The following KHDRBS2 variants were observed in gnomAD, a reference collection of about 807,000 sequenced individuals.
KHDRBS2 encodes the protein KH domain-containing, RNA-binding, signal transduction-associated protein 2.
Under a neutral mutation model 44.3 loss-of-function variants are expected in KHDRBS2, and 26 were observed. The ratio of observed to expected loss-of-function variants is 0.59; its 90% CI spans 0.43 to 0.81. The LOEUF (loss-of-function observed/expected upper bound fraction) is 0.81, where lower values mean the gene tolerates loss of function less well. KHDRBS2 is among the 40% of genes least tolerant of loss of function. The pLI, the probability that KHDRBS2 is intolerant of heterozygous loss-of-function variation, is 0.00. For missense variants in KHDRBS2, 476 were observed against 433.1 expected, an observed-to-expected ratio of 1.10 and a Z score of -0.88; for synonymous variants, 194 against 151.1, an observed-to-expected ratio of 1.28 and a Z score of -2.08.
intron 3 of KHDRBS2, among the ~76,000 whole-genome samples, chr6:62,005,618 A>T (rs1163338974): frequency 1.3e-5 from 2 of 151,758 alleles, no homozygotes; most frequent in Admixed American, 6.6e-5. Flanking sequence ...TAACACTAAA[A>T]AAATAAGCTT....
At chr6:62,271,536 A>G (rs6934952) in intron 1 of KHDRBS2, among the ~76,000 whole-genome samples, 35,329 of 152,062 alleles carry the variant, frequency 0.23, 5,690 homozygotes, top group African/African-American at 0.46. Context: ...GCTCAGGCAG[A>G]TCCATCAGGA....
intron 2 of KHDRBS2, among the ~76,000 whole-genome samples, chr6:62,157,283 C>A (rs186603477): frequency 1.8e-3 from 266 of 151,522 alleles, no homozygotes; most frequent in Non-Finnish European, 3.2e-3. Flanking sequence ...GCCAAGATAG[C>A]GCCACTGCAC....
the KHDRBS2 span, among the ~76,000 whole-genome samples, chr6:61,621,398 A>T: frequency 6.6e-6 from 1 of 152,374 alleles, no homozygotes; most frequent in South Asian, 2.1e-4. Flanking sequence ...AGTAGTTAAT[A>T]GATAGACATG....
intron 4 of KHDRBS2, among the ~76,000 whole-genome samples, chr6:61,953,134 T>C (rs931397772): frequency 3.3e-5 from 5 of 152,066 alleles, no homozygotes; most frequent in South Asian, 2.1e-4. Context: ...TAATGAAATC[T>C]TATATTTATC....
chr6:61,776,728 G>A (rs1176155442), intron 6 of KHDRBS2, among the ~76,000 whole-genome samples: 3 of 152,174 alleles, frequency 2.0e-5, no homozygotes, highest in African/African-American at 7.2e-5. Context: ...AAGTCAGTGT[G>A]GCGATTTCTC....
intron 1 of KHDRBS2, among the ~76,000 whole-genome samples, chr6:62,243,346 T>A (rs1197042833): frequency 6.6e-6 from 1 of 152,120 alleles, no homozygotes. Flanking sequence ...CAGTTATATG[T>A]GCTCATGGTT....
intron 6 of KHDRBS2, among the ~76,000 whole-genome samples, chr6:61,813,008 C>T (rs1415388700): frequency 6.6e-6 from 1 of 151,842 alleles, no homozygotes; most frequent in Non-Finnish European, 1.5e-5. Flanking sequence ...ACATAGTTTG[C>T]AACAAATAAA....
At chr6:62,068,865 T>G (rs1418964494) in intron 2 of KHDRBS2, among the ~76,000 whole-genome samples, 2 of 151,740 alleles carry the variant, frequency 1.3e-5, no homozygotes, top group Non-Finnish European at 3.0e-5. Context: ...GTTTTAATCT[T>G]TATGCTAATA....
At chr6:61,959,323 G>T (rs529537035) in intron 4 of KHDRBS2, among the ~76,000 whole-genome samples, 1 of 152,136 alleles carries the variant, frequency 6.6e-6, no homozygotes, top group Non-Finnish European at 1.5e-5. Context: ...AGTCAGAGAA[G>T]AAATTAAATG....
At chr6:61,645,881 T>C in the KHDRBS2 span, among the ~76,000 whole-genome samples, 2 of 152,150 alleles carry the variant, frequency 1.3e-5, no homozygotes, top group African/African-American at 4.8e-5. Context: ...AGGCTGATGA[T>C]TGTGATGGTG....
intron 4 of KHDRBS2, among the ~76,000 whole-genome samples, chr6:61,966,816 C>T (rs1356769404): frequency 6.6e-6 from 1 of 151,686 alleles, no homozygotes; most frequent in Non-Finnish European, 1.5e-5. Flanking sequence ...TTTTATTTTC[C>T]TTCTTTTTTT....
chr6:61,697,093 A>G, intron 8 of KHDRBS2, 102 bp downstream of exon 8: 2 of 823,092 alleles, frequency 2.4e-6, no homozygotes, highest in East Asian at 2.5e-5. Flanking sequence ...TTTAGTCTAG[A>G]CTTCTGGAAA....
chr6:62,249,411 A>C (rs143468377), intron 1 of KHDRBS2, among the ~76,000 whole-genome samples: 1 of 152,168 alleles, frequency 6.6e-6, no homozygotes, highest in Admixed American at 6.6e-5. Flanking sequence ...ATCAGTTTCC[A>C]AGGAAAATTA....
chr6:61,777,797 T>C (rs1013749722), intron 6 of KHDRBS2, among the ~76,000 whole-genome samples: 4 of 152,290 alleles, frequency 2.6e-5, no homozygotes, highest in South Asian at 4.1e-4. Context: ...AAATATCACA[T>C]AGCTGTAAAA....
Position 61,918,480 on chromosome 6 carries a change from T to C in KHDRBS2, c.484-17109A>G, listed in dbSNP as rs548210905. Among the ~76,000 whole-genome samples the C allele has an allele frequency of 2.3e-4, 35 of 151,954 alleles. No individual in the cohort carries two copies. In the South Asian group the frequency reaches 6.2e-3, roughly 27 times the overall value. ...CCTCATGATGGGATTATTGCCCTTATAAGGAGATACACCAAAACATACTCT... is the reference window on the plus strand; with the variant it reads ...CCTCATGATGGGATTATTGCCCTTACAAGGAGATACACCAAAACATACTCT... On this transcript the variant is annotated intron_variant, in intron 4 of 8. Transcript: ENST00000281156.
At chr6:61,752,250 A>G (rs1165365380) in intron 6 of KHDRBS2, among the ~76,000 whole-genome samples, 1 of 152,152 alleles carries the variant, frequency 6.6e-6, no homozygotes. Context: ...AGTAAGTCCT[A>G]TGCAACATTT....
chr6:62,050,981 AACAG>A (rs1788896054), intron 2 of KHDRBS2, among the ~76,000 whole-genome samples: 1 of 152,084 alleles, frequency 6.6e-6, no homozygotes, highest in African/African-American at 2.4e-5. Flanking sequence ...GGATGTATCT[AACAG>A]ACATTTGAGA....
chr6:62,236,403 T>C (rs1833712985), intron 1 of KHDRBS2, among the ~76,000 whole-genome samples: 1 of 152,108 alleles, frequency 6.6e-6, no homozygotes, highest in East Asian at 1.9e-4. Context: ...ATTTACAACA[T>C]AATTCTACCA....
At chr6:61,566,579 A>T in the KHDRBS2 span, among the ~76,000 whole-genome samples, 1 of 152,148 alleles carries the variant, frequency 6.6e-6, no homozygotes, top group Non-Finnish European at 1.5e-5. Flanking sequence ...GGTTAGTTTG[A>T]CCTACGCCCA....
Sources: allele counts gnomAD v4.1 joint callset (sites outside exome capture counted in the v4.1 genomes callset), GRCh38; gene constraint gnomAD v4.1.1; transcripts MANE v1.5; gene names NCBI Gene and HGNC (gene_info 2026-07-23, HGNC 2026-07-21).